The following RAB27B variants were observed in gnomAD, a reference collection of about 807,000 sequenced individuals.
RAB27B encodes ras-related protein Rab-27B.
RAB27B carries 15 observed loss-of-function variants against 24.6 expected under a neutral mutation model. The ratio of observed to expected loss-of-function variants is 0.61; its 90% CI spans 0.41 to 0.94. The LOEUF is 0.94. Among genes scored for constraint, RAB27B ranks in the 40% least tolerant of loss-of-function variants. The probability of loss-of-function intolerance (pLI) is 0.00; values close to 1 mark genes in which losing one functional copy is unlikely to be tolerated. For missense variants in RAB27B, 261 were observed against 266.8 expected, an observed-to-expected ratio of 0.98 and a Z score of 0.15; for synonymous variants, 105 against 92.5, an observed-to-expected ratio of 1.14 and a Z score of -0.78.
At chr18:54,748,562 T>C (rs1489635760) in intron 2 of RAB27B, among the ~76,000 whole-genome samples, 2 of 152,210 alleles carry the variant, frequency 1.3e-5, no homozygotes, top group South Asian at 2.1e-4. Context: ...ATAGTGGGAC[T>C]ATGAGTCTCC....
At position 54,845,439 on chromosome 18, in the gene RAB27B, G is replaced by GA. The variant is rs1164815939; in HGVS notation, c.-20+16741dup. 2.7e-5 allele frequency among the ~76,000 whole-genome samples: 4 copies of GA among 147,826 alleles called. No individual in the cohort carries two copies. The East Asian group carries it at 7.9e-4, about 29-fold the overall frequency. The stretch of plus-strand genomic sequence containing the variant: ...AAAAAATAAAATAAAATCTATTTAG[G>GA]AAGAAAATACGTCCCTTCGGATACC... On this transcript the variant is annotated intron_variant, in intron 1 of 5. Coordinates refer to ENST00000262094, the MANE Select transcript of RAB27B (RefSeq NM_004163.4).
In RAB27B at chr18:54,877,569, C is replaced by T. The variant is rs1229358504; in HGVS notation, c.-17C>T. On this transcript the variant is annotated splice_region_variant and 5_prime_UTR_variant, in exon 2 of 6. Transcript: ENST00000262094. The stretch of plus-strand genomic sequence containing the variant: ...CTTGTTTTCCCTCTCCTATACAGAC[C>T]GACCAAGACCATCACTATGACCGAT... The T allele has an allele frequency of 2.7e-6, 4 of 1,502,574 alleles. No homozygotes were observed. The highest frequency in any genetic ancestry group is 1.4e-5 in the African/African-American group (1 of 69,300). 93.1% of individuals were successfully genotyped at this position (1,502,574 alleles called of 1,614,324 possible). A position where few individuals can be genotyped will look rare whatever the true frequency, so the allele number is the denominator to read the frequency against.
chr18:54,859,693 C>T (rs1178083242), intron 1 of RAB27B, among the ~76,000 whole-genome samples: 1 of 152,142 alleles, frequency 6.6e-6, no homozygotes, highest in African/African-American at 2.4e-5. Flanking sequence ...TGACTTTTCT[C>T]ACTAGTAACA....
chr18:54,829,154 G>A (rs1598936647), intron 1 of RAB27B, among the ~76,000 whole-genome samples: 2 of 152,288 alleles, frequency 1.3e-5, no homozygotes. Context: ...TTCCTTAGAT[G>A]AAATAGCCAC....
intron 2 of RAB27B, among the ~76,000 whole-genome samples, chr18:54,772,411 C>CCT (rs1323392601): frequency 6.6e-6 from 1 of 152,198 alleles, no homozygotes; most frequent in Non-Finnish European, 1.5e-5. Flanking sequence ...AGCTCTCCTG[C>CCT]CTCTTCTGGA....
chr18:54,810,833 AAAATAAATAAAT>A lies in RAB27B; in HGVS notation c.-19-66695_-19-66684del, dbSNP rs74180479. Reference sequence around the variant, plus strand: ...GGGCAACAGAGCAAGACCCTGTCTCAAAATAAATAAATAAATAAATAAATAAATAAATAAATA... The same window carrying A: ...GGGCAACAGAGCAAGACCCTGTCTCAAAATAAATAAATAAATAAATAAATA... On this transcript the variant is annotated intron_variant, in intron 2 of 4. Transcript: ENST00000586570. Among the ~76,000 whole-genome samples, 1,024 of 140,218 alleles carry A rather than the reference AAAATAAATAAAT, an allele frequency of 7.3e-3. 11 individuals are homozygous for A. Among genetic ancestry groups the A allele is most frequent in the African/African-American group, 0.016 (586 of 37,090 alleles). 92.0% of individuals were successfully genotyped at this position (140,218 alleles called of 152,430 possible). A position where few individuals can be genotyped will look rare whatever the true frequency, so the allele number is the denominator to read the frequency against.
rs1913352639 is a variant in RAB27B, at chr18:54,891,141, T to G, written c.*1728T>G. On this transcript the variant is annotated 3_prime_UTR_variant, in exon 6 of 6. Coordinates refer to ENST00000262094, the MANE Select transcript of RAB27B (RefSeq NM_004163.4). ...TAAAAATCCCAGTCCATCATTCAGC[T>G]TACCTCTGCGAACTTCTATCTGGTA... 6.6e-6 allele frequency: 1 copy of G among 152,122 alleles called. No individual in the cohort carries two copies. The highest frequency in any genetic ancestry group is 1.5e-5 in the Non-Finnish European group (1 of 68,010). The allele number at this position is 152,122 out of a possible 1,614,324, so 9.4% of individuals were successfully genotyped here.
intron 2 of RAB27B, among the ~76,000 whole-genome samples, chr18:54,768,903 T>G (rs757122446): frequency 1.3e-5 from 2 of 152,068 alleles, no homozygotes; most frequent in Non-Finnish European, 2.9e-5. Flanking sequence ...GCCCTTGACA[T>G]GTAGGGATTA....
intron 1 of RAB27B, among the ~76,000 whole-genome samples, chr18:54,847,398 G>A (rs1911380966): frequency 1.3e-5 from 2 of 152,184 alleles, no homozygotes; most frequent in Admixed American, 6.5e-5. Context: ...CCAAAAAGAA[G>A]ACATCTGCAT....
chr18:54,882,248 A>G (rs1912955147), intron 3 of RAB27B, among the ~76,000 whole-genome samples: 1 of 152,166 alleles, frequency 6.6e-6, no homozygotes, highest in South Asian at 2.1e-4. Flanking sequence ...TCTCTGTTGC[A>G]GTCATTTAAA....
At chr18:54,855,667 T>C (rs747608535) in intron 1 of RAB27B, among the ~76,000 whole-genome samples, 2 of 152,176 alleles carry the variant, frequency 1.3e-5, no homozygotes, top group Non-Finnish European at 2.9e-5. Context: ...AAGTAGGTGT[T>C]CAGTAATTTA....
chr18:54,718,030 A>T (rs547829597), intron 1 of RAB27B: 3 of 152,158 alleles, frequency 2.0e-5, no homozygotes, highest in African/African-American at 7.2e-5. Context: ...TCCAGCACCT[A>T]TTGGGTTACT....
At chr18:54,735,870 G>C (rs1376480681) in intron 2 of RAB27B, among the ~76,000 whole-genome samples, 1 of 152,130 alleles carries the variant, frequency 6.6e-6, no homozygotes, top group Non-Finnish European at 1.5e-5. Flanking sequence ...AAATTAGGTA[G>C]TAAATGCCTG....
chr18:54,837,653 T>A (rs1417449665), intron 1 of RAB27B, among the ~76,000 whole-genome samples: 1 of 151,758 alleles, frequency 6.6e-6, no homozygotes, highest in Non-Finnish European at 1.5e-5. Context: ...AAGAAGGAGG[T>A]GGAGTAACCA....
intron 1 of RAB27B, among the ~76,000 whole-genome samples, chr18:54,833,929 G>A (rs1326297670): frequency 6.6e-6 from 1 of 152,166 alleles, no homozygotes; most frequent in Non-Finnish European, 1.5e-5. Context: ...GCAGAAACTA[G>A]ACAAGACCAA....
At chr18:54,875,461 T>G (rs1040102494) in intron 1 of RAB27B, among the ~76,000 whole-genome samples, 4 of 152,138 alleles carry the variant, frequency 2.6e-5, no homozygotes, top group Admixed American at 1.3e-4. Flanking sequence ...AATTGAGACA[T>G]GTGTATCCTT....
intron 2 of RAB27B, among the ~76,000 whole-genome samples, chr18:54,778,822 T>G (rs566726149): frequency 6.6e-6 from 1 of 152,102 alleles, no homozygotes; most frequent in Admixed American, 6.5e-5. Flanking sequence ...CTCTTTCTCT[T>G]TACTTTCTAT....
chr18:54,730,665 C>T (rs376099646), intron 2 of RAB27B, among the ~76,000 whole-genome samples: 10 of 151,930 alleles, frequency 6.6e-5, no homozygotes, highest in African/African-American at 2.4e-4. Flanking sequence ...TGGAGCCTGA[C>T]TCCTCCTCCT....
chr18:54,856,928 T>A (rs1312424306), intron 1 of RAB27B, among the ~76,000 whole-genome samples: 1 of 152,256 alleles, frequency 6.6e-6, no homozygotes, highest in Non-Finnish European at 1.5e-5. Flanking sequence ...ACTCTTTCTT[T>A]AATTTCTTAC....
Sources: gnomAD v4.1 joint callset for allele counts (sites outside exome capture counted in the v4.1 genomes callset) on GRCh38, gnomAD v4.1.1 for gene constraint, MANE v1.5 for transcripts, NCBI Gene and HGNC (gene_info 2026-07-23, HGNC 2026-07-21) for gene names.